IL1RAPL2: variants seen among roughly 807,000 people sequenced by gnomAD.
IL1RAPL2 encodes interleukin 1 receptor accessory protein like 2, also known as X-linked interleukin-1 receptor accessory protein-like 2.
Under a neutral mutation model 44.1 loss-of-function variants are expected in IL1RAPL2, and 3 were observed. The observed-to-expected ratio is 0.07, with a 90% CI of 0.03 to 0.18. The LOEUF (loss-of-function observed/expected upper bound fraction) is 0.18, where lower values mean the gene tolerates loss of function less well. Ranked by LOEUF, IL1RAPL2 falls within the 10% of genes least tolerant of loss-of-function variation. The pLI is 1.00. For synonymous variants in IL1RAPL2, 181 were observed against 178.8 expected (o/e 1.01, Z -0.10); for missense variants, 391 against 496.4 (o/e 0.79, Z 2.02).
At chrX:104,740,726 T>G (rs1052962641) in intron 2 of IL1RAPL2, among the ~76,000 whole-genome samples, 15 of 111,806 alleles carry the variant, frequency 1.3e-4, no homozygotes, top group African/African-American at 4.9e-4. Context: ...AATTTGATTT[T>G]TTTTATATAA....
chrX:105,108,773 A>G (rs1027711552), intron 2 of IL1RAPL2, among the ~76,000 whole-genome samples: 4 of 111,855 alleles, frequency 3.6e-5, no homozygotes, highest in African/African-American at 1.3e-4. Flanking sequence ...AACTGAATTC[A>G]GCATATATAC....
chrX:105,631,493 C>T (rs973540738), intron 6 of IL1RAPL2, among the ~76,000 whole-genome samples: 5 of 112,445 alleles, frequency 4.4e-5, no homozygotes, highest in Non-Finnish European at 9.4e-5. Context: ...TTTCTCAGAA[C>T]ACAACCCATC....
intron 6 of IL1RAPL2, among the ~76,000 whole-genome samples, chrX:105,505,836 C>A (rs1173500613): frequency 9.0e-6 from 1 of 111,683 alleles, no homozygotes; most frequent in Non-Finnish European, 1.9e-5. Context: ...TCCTATATAC[C>A]TTTTCACCCA....
chrX:104,891,058 C>G (rs1418634651), intron 2 of IL1RAPL2, among the ~76,000 whole-genome samples: 1 of 111,870 alleles, frequency 8.9e-6, no homozygotes, highest in Non-Finnish European at 1.9e-5. Flanking sequence ...AATAGGGAAT[C>G]CTTTCCCCAT....
intron 2 of IL1RAPL2, among the ~76,000 whole-genome samples, chrX:104,799,974 C>G (rs1932874658): frequency 9.0e-6 from 1 of 111,394 alleles, no homozygotes; most frequent in African/African-American, 3.3e-5. Context: ...ATTCTTGAAC[C>G]TAAGTAGTTT....
In IL1RAPL2 at chrX:105,025,463, G is replaced by A. The variant is rs183694757; in HGVS notation, c.83-170012G>A. Among the ~76,000 whole-genome samples, 27 of 111,242 alleles carry A rather than the reference G, an allele frequency of 2.4e-4. No individual in the cohort carries two copies. The Admixed American group carries it at 2.6e-3, about 11-fold the overall frequency. On this transcript the variant is annotated intron_variant, in intron 2 of 10. Transcript: ENST00000372582. ...GTGTGTTTCTGGCCTGCCGCTAAATGTCAAATTAATCTTAAACGCCCATAG... is the reference window on the plus strand; with the variant it reads ...GTGTGTTTCTGGCCTGCCGCTAAATATCAAATTAATCTTAAACGCCCATAG...
chrX:105,352,721 A>C (rs1013873049), intron 5 of IL1RAPL2, among the ~76,000 whole-genome samples: 2 of 109,597 alleles, frequency 1.8e-5, no homozygotes, highest in Non-Finnish European at 3.8e-5. Flanking sequence ...TGGCTGCATA[A>C]ATGTCTTCTT....
At chrX:105,630,628 A>T (rs1471858803) in intron 6 of IL1RAPL2, among the ~76,000 whole-genome samples, 1 of 110,359 alleles carries the variant, frequency 9.1e-6, no homozygotes, top group Non-Finnish European at 1.9e-5. Context: ...AAGGTTTTCA[A>T]CAAAGTGGAG....
At chrX:105,272,501 C>T (rs2034455149) in intron 5 of IL1RAPL2, among the ~76,000 whole-genome samples, 1 of 111,955 alleles carries the variant, frequency 8.9e-6, no homozygotes, top group Non-Finnish European at 1.9e-5. Flanking sequence ...GCAAACAACA[C>T]CTCTCCTCCT....
At chrX:105,187,534 G>A (rs1216159003) in intron 2 of IL1RAPL2, among the ~76,000 whole-genome samples, 1 of 111,859 alleles carries the variant, frequency 8.9e-6, no homozygotes, top group Non-Finnish European at 1.9e-5. Context: ...CACACACAAT[G>A]GAATACTATT....
intron 5 of IL1RAPL2, among the ~76,000 whole-genome samples, chrX:105,417,516 TGAAA>T (rs1157855134): frequency 8.9e-6 from 1 of 112,858 alleles, no homozygotes; most frequent in African/African-American, 3.2e-5. Flanking sequence ...TAGAAAATCC[TGAAA>T]GAAAGAGTAT....
intron 2 of IL1RAPL2, among the ~76,000 whole-genome samples, chrX:104,871,525 G>C (rs982726820): frequency 9.0e-6 from 1 of 111,020 alleles, no homozygotes; most frequent in African/African-American, 3.3e-5. Context: ...CCTTACCATG[G>C]GTTCTGAATT....
At chrX:105,185,209 G>A (rs781827954) in intron 2 of IL1RAPL2, among the ~76,000 whole-genome samples, 9 of 111,623 alleles carry the variant, frequency 8.1e-5, no homozygotes, top group Non-Finnish European at 1.3e-4. Flanking sequence ...GCAGGGGTTT[G>A]ATATGAGGAA....
At chrX:105,045,320 A>G (rs1382890198) in intron 2 of IL1RAPL2, among the ~76,000 whole-genome samples, 2 of 111,705 alleles carry the variant, frequency 1.8e-5, no homozygotes, top group Non-Finnish European at 3.8e-5. Context: ...GGAAAGTGGA[A>G]TTCTCTTCTT....
intron 2 of IL1RAPL2, among the ~76,000 whole-genome samples, chrX:105,034,022 C>G (rs193137405): frequency 8.9e-6 from 1 of 112,099 alleles, no homozygotes; most frequent in Non-Finnish European, 1.9e-5. Context: ...GCAATGGCTC[C>G]TGAGGCTTCT....
At chrX:105,185,244 A>T (rs2033574269) in intron 2 of IL1RAPL2, among the ~76,000 whole-genome samples, 1 of 112,087 alleles carries the variant, frequency 8.9e-6, no homozygotes, top group Non-Finnish European at 1.9e-5. Context: ...TGTGTGCTGA[A>T]TAAAGGAGAC....
chrX:104,693,328 A>C (rs940852743), intron 2 of IL1RAPL2, among the ~76,000 whole-genome samples: 14 of 109,652 alleles, frequency 1.3e-4, no homozygotes, highest in Non-Finnish European at 2.7e-4. Context: ...TCATTCTGTC[A>C]CTCCTCCTTA....
intron 2 of IL1RAPL2, among the ~76,000 whole-genome samples, chrX:104,885,930 C>A (rs1261758471): frequency 8.8e-6 from 1 of 113,183 alleles, no homozygotes; most frequent in African/African-American, 3.2e-5. Flanking sequence ...ACCAGATGAT[C>A]CAACAACAGG....
chrX:105,700,843 C>A (rs1175407574), intron 6 of IL1RAPL2, among the ~76,000 whole-genome samples: 1 of 110,934 alleles, frequency 9.0e-6, no homozygotes, highest in African/African-American at 3.3e-5. Context: ...ATTTTTAAAT[C>A]TATCTCATAC....
Sources: allele counts gnomAD v4.1 joint callset (sites outside exome capture counted in the v4.1 genomes callset), GRCh38; gene constraint gnomAD v4.1.1; transcripts MANE v1.5; gene names NCBI Gene and HGNC (gene_info 2026-07-23, HGNC 2026-07-21).